The following TGFBR3 variants were observed in gnomAD, a reference collection of about 807,000 sequenced individuals.
The protein encoded by TGFBR3 is transforming growth factor beta receptor 3, also known as transforming growth factor beta receptor type 3.
In TGFBR3, 46 loss-of-function variants were observed where a neutral mutation model predicts 87.9. The ratio of observed to expected loss-of-function variants is 0.52; its 90% CI spans 0.41 to 0.67. The LOEUF (loss-of-function observed/expected upper bound fraction) is 0.67, where lower values mean the gene tolerates loss of function less well. Among genes scored for constraint, TGFBR3 ranks in the 30% least tolerant of loss-of-function variants. TGFBR3 has a pLI of 0.00. For synonymous variants in TGFBR3, 381 were observed against 391.6 expected (o/e 0.97, Z 0.32); for missense variants, 866 against 1,041.9 (o/e 0.83, Z 2.32).
At chr1:91,692,535 CA>C (rs1671300832) in intron 16 of TGFBR3, among the ~76,000 whole-genome samples, 1 of 152,120 alleles carries the variant, frequency 6.6e-6, no homozygotes, top group Non-Finnish European at 1.5e-5. Flanking sequence ...TAAGATTTTG[CA>C]TGTGACTTTA....
intron 6 of TGFBR3, 118 bp downstream of exon 6, chr1:91,729,687 G>T (rs1672692958): frequency 5.9e-6 from 7 of 1,182,640 alleles, no homozygotes; most frequent in Non-Finnish European, 8.8e-6. Flanking sequence ...AGCATCAATG[G>T]CTCCCTTCCC....
At chr1:91,721,522 C>T (rs1372240662) in intron 8 of TGFBR3, among the ~76,000 whole-genome samples, 2 of 152,206 alleles carry the variant, frequency 1.3e-5, no homozygotes, top group Non-Finnish European at 2.9e-5. Context: ...CTGCTTTCCA[C>T]CCCATTCAGC....
Position 91,682,674 on chromosome 1 carries a change from T to C in TGFBR3, c.*1065A>G, listed in dbSNP as rs1490654558. On this transcript the variant is annotated 3_prime_UTR_variant, in exon 17 of 17. Coordinates refer to ENST00000212355, the MANE Select transcript of TGFBR3 (RefSeq NM_003243.5). ...CCATGCATTTGCATCTTGCTACAGT[T>C]TGGTTTTTATGAAAGGGCCTATTTT... 3 of 453,886 alleles carry C rather than the reference T, an allele frequency of 6.6e-6. No homozygotes were observed. Among genetic ancestry groups the C allele is most frequent in the South Asian group, 1.6e-5 (1 of 64,462 alleles). The allele number at this position is 453,886 out of a possible 1,614,324, so 28.1% of individuals were successfully genotyped here.
At chr1:91,884,808 T>C (rs763177594) in intron 1 of TGFBR3, among the ~76,000 whole-genome samples, 3 of 152,262 alleles carry the variant, frequency 2.0e-5, no homozygotes, top group Non-Finnish European at 4.4e-5. Flanking sequence ...GTTTGCACTC[T>C]GCATTCAGGA....
At chr1:91,735,550 G>A (rs1184578803) in intron 4 of TGFBR3, among the ~76,000 whole-genome samples, 3 of 152,222 alleles carry the variant, frequency 2.0e-5, no homozygotes, top group South Asian at 2.1e-4. Flanking sequence ...AGAGTGAGAT[G>A]AATGTTTGTA....
At chr1:91,843,447 A>C (rs1677363943) in intron 2 of TGFBR3, among the ~76,000 whole-genome samples, 19 of 152,252 alleles carry the variant, frequency 1.2e-4, no homozygotes, top group Admixed American at 1.2e-3. Context: ...AGCCTCCAGC[A>C]CTGTGAGAAA....
chr1:91,785,481 C>T (rs1313855383), intron 3 of TGFBR3, among the ~76,000 whole-genome samples: 3 of 152,152 alleles, frequency 2.0e-5, no homozygotes, highest in African/African-American at 7.2e-5. Context: ...AACAGGTAAA[C>T]TTTATGGTAC....
intron 3 of TGFBR3, among the ~76,000 whole-genome samples, chr1:91,789,053 T>G (rs1675081381): frequency 6.6e-6 from 1 of 152,132 alleles, no homozygotes; most frequent in African/African-American, 2.4e-5. Flanking sequence ...ATCCCAGCAC[T>G]TTGGGAAGCC....
intron 16 of TGFBR3, among the ~76,000 whole-genome samples, chr1:91,691,045 G>T (rs1671245724): frequency 6.6e-6 from 1 of 151,482 alleles, no homozygotes; most frequent in Non-Finnish European, 1.5e-5. Context: ...AAAAGTTATT[G>T]GAATTAAAAA....
chr1:91,698,253 T>G, intron 14 of TGFBR3, 123 bp from the exon 15 acceptor site: 1 of 842,712 alleles, frequency 1.2e-6, no homozygotes, highest in Non-Finnish European at 2.0e-6. Flanking sequence ...GAGAAAGCTC[T>G]GTCAATGATC....
rs1670881326 is a variant in TGFBR3 at position 91,680,725 on chromosome 1, ATCAT to A, written c.*3010_*3013del. 4.4e-6 allele frequency: 2 copies of A among 454,130 alleles called. No homozygotes were observed. Among genetic ancestry groups the A allele is most frequent in the East Asian group, 6.9e-5 (1 of 14,396 alleles). 28.1% of individuals were successfully genotyped at this position (454,130 alleles called of 1,614,324 possible). ...TGTTAACACAACCAGCAGTACAATC[ATCAT>A]TCAAACCATGAGGTAGTTACAGTAC... is the stretch of plus-strand genomic sequence containing the variant. On this transcript the variant is annotated 3_prime_UTR_variant, in exon 17 of 17. Transcript: ENST00000212355.
intron 1 of TGFBR3, among the ~76,000 whole-genome samples, chr1:91,873,455 G>C (rs1265152980): frequency 6.6e-6 from 1 of 151,344 alleles, no homozygotes; most frequent in Non-Finnish European, 1.5e-5. Flanking sequence ...GCTAATTTTT[G>C]TATTTTTTTT....
In TGFBR3 at chr1:91,695,767, C is replaced by T. The variant is rs1671416695; in HGVS notation, c.2342G>A (p.Gly781Asp). 1.2e-6 allele frequency: 2 copies of T among 1,613,956 alleles called. No homozygotes were observed. The highest frequency in any genetic ancestry group is 2.7e-5 in the African/African-American group (2 of 74,908). ...PNPISPPIFH[G>D]LDTLTVMGIA... ...GCCCATCACGGTTAGGGTGTCCAGA[C>T]CATGGAAAATTGCTATAAAGGAGAG... The change falls in exon 16 of 17, where the codon GGT becomes GAT. Residue 781 changes from glycine to aspartate, a missense_variant. Transcript: ENST00000212355.
intron 2 of TGFBR3, among the ~76,000 whole-genome samples, chr1:91,832,956 C>G (rs936492446): frequency 2.0e-5 from 3 of 151,008 alleles, no homozygotes; most frequent in African/African-American, 7.3e-5. Context: ...TGCAGTGAGC[C>G]CAGATCACAC....
chr1:91,683,839 T>A lies in TGFBR3; in HGVS notation c.2456A>T (p.Gln819Leu). 1 of 1,603,584 alleles carries A rather than the reference T, an allele frequency of 6.2e-7. No individual in the cohort carries two copies. ...YSHTGETAGR[Q>L]QVPTSPPASE... The stretch of plus-strand genomic sequence containing the variant: ...GGCTGGCGGGGAGGTGGGGACTTGC[T>A]GCCTTCCTGCTGTCTCCCCTGCAGT... Residue 819 changes from glutamine to leucine, a missense_variant, in exon 17 of 17, where the codon CAG (glutamine) becomes CTG (leucine). Transcript: ENST00000212355.
At chr1:91,829,429 A>G (rs928590790) in intron 2 of TGFBR3, among the ~76,000 whole-genome samples, 5 of 151,610 alleles carry the variant, frequency 3.3e-5, no homozygotes, top group Non-Finnish European at 1.5e-5. Flanking sequence ...TGTGGGGAAG[A>G]GAGCCACAGG....
At chr1:91,858,136 G>A (rs570478446) in intron 2 of TGFBR3, among the ~76,000 whole-genome samples, 4 of 152,200 alleles carry the variant, frequency 2.6e-5, no homozygotes, top group Admixed American at 1.3e-4. Flanking sequence ...GAGTATTTAT[G>A]AGGATGAAAT....
Position 91,893,292 on chromosome 1 carries a change from A to ATT in TGFBR3, c.-114+6343_-114+6344dup, listed in dbSNP as rs34162665. On this transcript the variant is annotated intron_variant, in intron 2 of 17. Transcript: ENST00000370399. ...AAGAAGAGTTTCTTAACTTGTAACT[A>ATT]TTTTTTTTTTTGAGACAGAGTTTTG... 9.4e-3 allele frequency among the ~76,000 whole-genome samples: 1,400 copies of ATT among 149,360 alleles called. 8 individuals are homozygous for ATT. Among genetic ancestry groups the ATT allele is most frequent in the Non-Finnish European group, 0.014 (926 of 67,260 alleles).
rs1005267026 is a variant in TGFBR3 at position 91,682,393 on chromosome 1, C to T, written c.*1346G>A. Reference sequence around the variant, plus strand: ...TAAAATAATTTAGCATGATAATTCCCCCCTGGCATTCTTTTTTTTTTTTTT... The same window carrying T: ...TAAAATAATTTAGCATGATAATTCCTCCCTGGCATTCTTTTTTTTTTTTTT... On this transcript the variant is annotated 3_prime_UTR_variant, in exon 17 of 17. Transcript: ENST00000212355. 2.6e-5 allele frequency: 11 copies of T among 431,024 alleles called. No individual in the cohort carries two copies. In the Admixed American group the frequency reaches 3.0e-4, roughly 12 times the overall value. The allele number at this position is 431,024 out of a possible 1,614,324, so 26.7% of individuals were successfully genotyped here.
Sources: allele counts gnomAD v4.1 joint callset (sites outside exome capture counted in the v4.1 genomes callset), GRCh38; gene constraint gnomAD v4.1.1; transcripts MANE v1.5; gene names NCBI Gene and HGNC (gene_info 2026-07-23, HGNC 2026-07-21).